The following NXPE2 variants were observed in gnomAD, a reference collection of about 807,000 sequenced individuals.
NXPE2 encodes NXPE family member 2.
Under a neutral mutation model 34.4 loss-of-function variants are expected in NXPE2, and 34 were observed. The observed-to-expected ratio is 0.99, with a 90% CI of 0.75 to 1.31. The LOEUF (loss-of-function observed/expected upper bound fraction) is 1.31. Ranked by LOEUF, NXPE2 falls within the 40% of genes most tolerant of loss-of-function variation. NXPE2 has a pLI of 0.00. For missense variants in NXPE2, 649 were observed against 672.5 expected (o/e 0.97, Z 0.39); for synonymous variants, 235 against 231.3 (o/e 1.02, Z -0.15).
the NXPE2 span, among the ~76,000 whole-genome samples, chr11:114,761,088 A>T: frequency 6.6e-6 from 1 of 152,186 alleles, no homozygotes. Context: ...TTGCATCCAC[A>T]CTAAGATCCC....
chr11:114,619,878 G>A, the NXPE2 span, among the ~76,000 whole-genome samples: 22 of 151,820 alleles, frequency 1.4e-4, no homozygotes, highest in South Asian at 4.2e-4. Context: ...GTGTTGCCTC[G>A]TGGGTAAGAA....
At chr11:114,527,942 G>T in the NXPE2 span, 1 of 1,480,854 alleles carries the variant, frequency 6.8e-7, no homozygotes, top group Non-Finnish European at 9.3e-7. Flanking sequence ...CCTGCTCTCT[G>T]CCCATGTAAC....
the NXPE2 span, among the ~76,000 whole-genome samples, chr11:114,631,186 G>T: frequency 1.3e-5 from 2 of 151,970 alleles, no homozygotes; most frequent in Non-Finnish European, 2.9e-5. Flanking sequence ...TATACCCAAA[G>T]GGCTATAAAT....
At chr11:114,530,376 T>G in the NXPE2 span, 1 of 1,614,216 alleles carries the variant, frequency 6.2e-7, no homozygotes, top group Non-Finnish European at 8.5e-7. Flanking sequence ...AGAGGTGCCA[T>G]TAACAAATTT....
chr11:114,651,315 G>A, the NXPE2 span, among the ~76,000 whole-genome samples: 2 of 151,550 alleles, frequency 1.3e-5, no homozygotes, highest in African/African-American at 4.9e-5. Flanking sequence ...TGAAGCCGCA[G>A]ACCTTGTTAC....
At chr11:114,672,785 A>T in the NXPE2 span, among the ~76,000 whole-genome samples, 5 of 151,918 alleles carry the variant, frequency 3.3e-5, no homozygotes, top group African/African-American at 1.2e-4. Flanking sequence ...ATAAGCATTT[A>T]ACAATATAGA....
At chr11:114,648,440 T>A in the NXPE2 span, among the ~76,000 whole-genome samples, 2 of 152,206 alleles carry the variant, frequency 1.3e-5, no homozygotes, top group African/African-American at 4.8e-5. Flanking sequence ...TTTGTTCTAT[T>A]CAGGCTTTCA....
the NXPE2 span, among the ~76,000 whole-genome samples, chr11:114,810,097 T>C: frequency 1.4e-5 from 2 of 148,060 alleles, no homozygotes; most frequent in Non-Finnish European, 3.0e-5. Context: ...GGGAAAGGAT[T>C]CCCTATTTAA....
chr11:114,703,653 CATAGATAG>C (rs58702498), intron 3 of NXPE2, among the ~76,000 whole-genome samples: 3,663 of 102,878 alleles, frequency 0.036, 55 homozygotes, highest in South Asian at 0.046. Context: ...TTAAAATAAG[CATAGATAG>C]ATAGATAGAT....
rs1202461412 is a variant in NXPE2 at position 114,706,907 on chromosome 11, A to G, written c.1657A>G (p.Met553Val). ...TTATGTGATTCAAAATCAGATTGGCATGTTCTTAAACTACATTTGTTAGAG... is the reference window on the plus strand; with the variant it reads ...TTATGTGATTCAAAATCAGATTGGCGTGTTCTTAAACTACATTTGTTAGAG... Reference protein sequence around the residue: ...PDYVIQNQIGMFLNYIC With the variant: ...PDYVIQNQIGVFLNYIC Residue 553 changes from methionine (M) to valine (V), a missense_variant, in exon 6 of 6, where the codon ATG (methionine) becomes GTG (valine). Physicochemically the swap from Met to Val is conservative, Grantham distance 21 (BLOSUM62 1). Coordinates refer to ENST00000389586, the MANE Select transcript of NXPE2 (RefSeq NM_182495.6). The G allele has an allele frequency of 1.3e-6, 2 of 1,549,622 alleles. No homozygotes were observed. Among genetic ancestry groups the G allele is most frequent in the Non-Finnish European group, 1.7e-6 (2 of 1,145,318 alleles).
At chr11:114,573,528 T>A in the NXPE2 span, among the ~76,000 whole-genome samples, 56 of 151,966 alleles carry the variant, frequency 3.7e-4, no homozygotes, top group Non-Finnish European at 5.9e-4. Flanking sequence ...AAAAAGATAT[T>A]CCATGCAAAT....
chr11:114,627,926 C>T, the NXPE2 span, among the ~76,000 whole-genome samples: 28 of 151,906 alleles, frequency 1.8e-4, 1 homozygote, highest in Admixed American at 1.4e-3. Flanking sequence ...ACAAAGAAGG[C>T]CATTATTTAA....
At chr11:114,593,026 A>G in the NXPE2 span, among the ~76,000 whole-genome samples, 1 of 152,284 alleles carries the variant, frequency 6.6e-6, no homozygotes, top group East Asian at 1.9e-4. Flanking sequence ...AAACTCAGTT[A>G]CAAAATGAAT....
At chr11:114,777,199 CTG>C in the NXPE2 span, among the ~76,000 whole-genome samples, 1,001 of 152,290 alleles carry the variant, frequency 6.6e-3, 8 homozygotes, top group African/African-American at 0.023. Context: ...AATGTTGAAA[CTG>C]TAAACTACTT....
At chr11:114,530,620 G>A in the NXPE2 span, 4 of 1,614,018 alleles carry the variant, frequency 2.5e-6, no homozygotes, top group African/African-American at 5.3e-5. Context: ...TGCTTCCTCT[G>A]TCCCAAGTGG....
At chr11:114,530,683 G>A in the NXPE2 span, 341 of 1,614,100 alleles carry the variant, frequency 2.1e-4, no homozygotes, top group African/African-American at 3.7e-3. Context: ...TATGTATCTC[G>A]AGGGTTGAGG....
chr11:114,763,046 A>G, the NXPE2 span, among the ~76,000 whole-genome samples: 2 of 152,168 alleles, frequency 1.3e-5, no homozygotes, highest in Non-Finnish European at 2.9e-5. Flanking sequence ...TTAGTTCACT[A>G]CATTTATTCC....
the NXPE2 span, among the ~76,000 whole-genome samples, chr11:114,785,345 C>G: frequency 6.6e-6 from 1 of 152,086 alleles, no homozygotes; most frequent in Non-Finnish European, 1.5e-5. Flanking sequence ...AATGAGACCC[C>G]AAGCTTCTAG....
At chr11:114,801,468 CATG>C in the NXPE2 span, among the ~76,000 whole-genome samples, 5 of 152,100 alleles carry the variant, frequency 3.3e-5, no homozygotes, top group African/African-American at 1.2e-4. Flanking sequence ...TCTTGTAGAC[CATG>C]ATAAGAAGCC....
Sources: allele counts gnomAD v4.1 joint callset (sites outside exome capture counted in the v4.1 genomes callset), GRCh38; gene constraint gnomAD v4.1.1; transcripts MANE v1.5; gene names NCBI Gene and HGNC (gene_info 2026-07-23, HGNC 2026-07-21).